GRXCR2: variants seen among roughly 807,000 people sequenced by gnomAD.
GRXCR2 encodes the protein glutaredoxin and cysteine rich domain containing 2.
GRXCR2 carries 23 observed loss-of-function variants against 24.8 expected under a neutral mutation model. The observed-to-expected ratio is 0.93, with a 90% confidence interval of 0.67 to 1.32. GRXCR2 has a LOEUF of 1.32. Among genes scored for constraint, GRXCR2 ranks in the 40% most tolerant of loss-of-function variants. The pLI is 0.00. For synonymous variants in GRXCR2, 130 were observed against 116.1 expected (o/e 1.12, Z -0.77); for missense variants, 315 against 303.4 (o/e 1.04, Z -0.28).
intron 2 of GRXCR2, among the ~76,000 whole-genome samples, chr5:145,860,314 A>G (rs1756313966): frequency 6.6e-6 from 1 of 152,164 alleles, no homozygotes; most frequent in Non-Finnish European, 1.5e-5. Context: ...TGCTTCCTAT[A>G]TATCATCCAT....
rs428973 is a variant in GRXCR2 at position 145,859,212 on chromosome 5, C to T, written c.*521G>A. 77,909 of 154,922 alleles carry T rather than the reference C, an allele frequency of 0.5. 20,273 individuals are homozygous for T. The highest frequency in any genetic ancestry group is 0.59 in the Admixed American group (9,584 of 16,138). The allele number at this position is 154,922 out of a possible 1,614,324, so 9.6% of individuals were successfully genotyped here. On this transcript the variant is annotated 3_prime_UTR_variant, in exon 3 of 3. Transcript: ENST00000377976. ...CTTGCCTGTCTCCACAGTGAACATC[C>T]CATTTTGCTTGCTGTGGCCTGCTAG... is the stretch of plus-strand genomic sequence containing the variant.
intron 2 of GRXCR2, among the ~76,000 whole-genome samples, chr5:145,903,896 T>G (rs1221011265): frequency 6.6e-6 from 1 of 152,178 alleles, no homozygotes; most frequent in Non-Finnish European, 1.5e-5. Context: ...AAAATTGCTT[T>G]TGAATTATCT....
intron 2 of GRXCR2, among the ~76,000 whole-genome samples, chr5:145,887,520 G>C (rs1042689116): frequency 6.6e-6 from 1 of 152,206 alleles, no homozygotes; most frequent in Non-Finnish European, 1.5e-5. Flanking sequence ...TCGTGGGTGA[G>C]AGGCTAGGGA....
chr5:145,890,009 G>A (rs977701778), intron 2 of GRXCR2, among the ~76,000 whole-genome samples: 5 of 152,212 alleles, frequency 3.3e-5, no homozygotes, highest in African/African-American at 1.2e-4. Flanking sequence ...GGACTAAGCA[G>A]AAGAAATAAT....
chr5:145,882,942 T>A (rs1048675374), intron 2 of GRXCR2, among the ~76,000 whole-genome samples: 1 of 149,182 alleles, frequency 6.7e-6, no homozygotes, highest in African/African-American at 2.5e-5. Flanking sequence ...AAACACCATA[T>A]GTTCTCACTC....
chr5:145,920,075 G>C (rs1247240486), intron 2 of GRXCR2, among the ~76,000 whole-genome samples: 4 of 152,158 alleles, frequency 2.6e-5, no homozygotes, highest in Non-Finnish European at 4.4e-5. Flanking sequence ...CCTCCTCACT[G>C]TTTAGAGTAG....
At chr5:145,893,277 TAAC>T (rs1245833411) in intron 2 of GRXCR2, among the ~76,000 whole-genome samples, 1 of 152,140 alleles carries the variant, frequency 6.6e-6, no homozygotes, top group Non-Finnish European at 1.5e-5. Context: ...GATTCACACA[TAAC>T]AATATTAATC....
intron 2 of GRXCR2, among the ~76,000 whole-genome samples, chr5:145,905,770 G>A (rs1175469851): frequency 1.3e-5 from 2 of 152,104 alleles, no homozygotes; most frequent in Non-Finnish European, 2.9e-5. Flanking sequence ...AATGCATTCA[G>A]GAGAGCAGTC....
chr5:145,872,366 T>G (rs1233081947), intron 1 of GRXCR2, among the ~76,000 whole-genome samples: 1 of 152,196 alleles, frequency 6.6e-6, no homozygotes, highest in Non-Finnish European at 1.5e-5. Flanking sequence ...CCAGGAAAAC[T>G]CAGTCAAAGA....
chr5:145,914,919 T>A (rs939614439), intron 2 of GRXCR2, among the ~76,000 whole-genome samples: 1 of 152,190 alleles, frequency 6.6e-6, no homozygotes, highest in Non-Finnish European at 1.5e-5. Context: ...AATGCTATAG[T>A]CTTAGAAGCA....
intron 2 of GRXCR2, among the ~76,000 whole-genome samples, chr5:145,908,742 C>T (rs1031003343): frequency 6.6e-6 from 1 of 152,196 alleles, no homozygotes; most frequent in African/African-American, 2.4e-5. Context: ...CTTCCAGCTC[C>T]AGTTCTTTGG....
At chr5:145,881,076 C>A (rs1246839929) in intron 2 of GRXCR2, among the ~76,000 whole-genome samples, 2 of 152,162 alleles carry the variant, frequency 1.3e-5, no homozygotes, top group Admixed American at 1.3e-4. Flanking sequence ...CAATATCATA[C>A]TGAATGGGCA....
intron 2 of GRXCR2, among the ~76,000 whole-genome samples, chr5:145,900,882 A>T (rs983966573): frequency 2.0e-5 from 3 of 152,214 alleles, no homozygotes; most frequent in Non-Finnish European, 2.9e-5. Flanking sequence ...AAAGTCATGG[A>T]TTCAACCTAG....
intron 2 of GRXCR2, among the ~76,000 whole-genome samples, chr5:145,917,100 G>T (rs1217916797): frequency 6.9e-6 from 1 of 144,158 alleles, no homozygotes; most frequent in Non-Finnish European, 1.5e-5. Context: ...TTTCCAGGGT[G>T]GGAAACCTCC....
chr5:145,917,952 G>C (rs1292092294), intron 2 of GRXCR2, among the ~76,000 whole-genome samples: 1 of 152,120 alleles, frequency 6.6e-6, no homozygotes, highest in Non-Finnish European at 1.5e-5. Flanking sequence ...GCTAATTTTT[G>C]TATTTCTAGT....
At chr5:145,914,862 G>A (rs567049031) in intron 2 of GRXCR2, among the ~76,000 whole-genome samples, 3 of 152,216 alleles carry the variant, frequency 2.0e-5, no homozygotes, top group African/African-American at 7.2e-5. Flanking sequence ...GACTGCCAGA[G>A]GCAAAGTCAG....
chr5:145,903,492 C>T (rs1169087141), intron 2 of GRXCR2, among the ~76,000 whole-genome samples: 1 of 150,196 alleles, frequency 6.7e-6, no homozygotes, highest in Non-Finnish European at 1.5e-5. Flanking sequence ...GTCACCAAAA[C>T]ATTGCAGCGC....
rs913271961 is a variant in GRXCR2 at position 145,894,215 on chromosome 5, T to A, written c.-69-27487A>T. ...TAAAATTGACACCCTAACATCACAA[T>A]TAAAAGAACTAGAGAAGCAAGAGCA... On this transcript the variant is annotated intron_variant, in intron 2 of 3. Coordinates refer to the GRXCR2 transcript ENST00000639411. 1.3e-5 allele frequency among the ~76,000 whole-genome samples: 2 copies of A among 152,004 alleles called. 1 individual carries two copies. The highest frequency in any genetic ancestry group is 1.3e-4 in the Admixed American group (2 of 15,270).
chr5:145,886,162 C>T (rs1026464833), intron 2 of GRXCR2, among the ~76,000 whole-genome samples: 16 of 152,342 alleles, frequency 1.1e-4, no homozygotes, highest in Admixed American at 7.8e-4. Flanking sequence ...AGTGCAGCCT[C>T]TTGGTGGCTG....
Sources: gnomAD v4.1 joint callset for allele counts (sites outside exome capture counted in the v4.1 genomes callset) on GRCh38, gnomAD v4.1.1 for gene constraint, MANE v1.5 for transcripts, NCBI Gene and HGNC (gene_info 2026-07-23, HGNC 2026-07-21) for gene names.